Variants in CCDC60 observed in about 807,000 individuals in gnomAD.
CCDC60 encodes the protein coiled-coil domain containing 60.
CCDC60 carries 54 observed loss-of-function variants against 63.5 expected under a neutral mutation model. The observed-to-expected ratio is 0.85, with a 90% CI of 0.68 to 1.07. CCDC60 has a LOEUF of 1.07. Among genes scored for constraint, CCDC60 ranks in the 50% least tolerant of loss-of-function variants. CCDC60 has a pLI of 0.00. For synonymous variants in CCDC60, 206 were observed against 238.8 expected (o/e 0.86, Z 1.27); for missense variants, 651 against 684.3 (o/e 0.95, Z 0.54).
rs115848912 is a variant in CCDC60, at chr12:119,405,562, C to A, written c.91-23121C>A. Among the ~76,000 whole-genome samples the A allele has an allele frequency of 9.6e-3, 1,457 of 152,194 alleles. 17 individuals are homozygous for A. Among genetic ancestry groups the A allele is most frequent in the African/African-American group, 0.029 (1,211 of 41,526 alleles). On this transcript the variant is annotated intron_variant, in intron 1 of 13. Coordinates refer to ENST00000327554, the MANE Select transcript of CCDC60 (RefSeq NM_178499.5). Reference sequence around the variant, plus strand: ...AAAACATTCTCAGATTTAAAAAAAACCAAAAACAAATATCATCAAAAATCT... The same window carrying A: ...AAAACATTCTCAGATTTAAAAAAAAACAAAAACAAATATCATCAAAAATCT...
chr12:119,461,700 C>T (rs1391622152), intron 2 of CCDC60, among the ~76,000 whole-genome samples: 1 of 152,172 alleles, frequency 6.6e-6, no homozygotes, highest in Non-Finnish European at 1.5e-5. Flanking sequence ...CCCCATCGTT[C>T]CTCTTGTGAT....
At chr12:119,375,139 G>A (rs931557179) in intron 1 of CCDC60, among the ~76,000 whole-genome samples, 13 of 152,194 alleles carry the variant, frequency 8.5e-5, no homozygotes, top group Non-Finnish European at 1.6e-4. Flanking sequence ...ATTCAAAATA[G>A]AGTTGCTCTG....
chr12:119,520,342 C>G (rs1566059563), intron 9 of CCDC60, 150 bp downstream of exon 9: 5 of 642,640 alleles, frequency 7.8e-6, no homozygotes, highest in Non-Finnish European at 1.3e-5. Context: ...AAACAAGCCC[C>G]TTTACTGCAG....
At chr12:119,417,948 C>T (rs1400341323) in intron 1 of CCDC60, among the ~76,000 whole-genome samples, 1 of 152,184 alleles carries the variant, frequency 6.6e-6, no homozygotes, top group Admixed American at 6.5e-5. Context: ...AGCAAATTAA[C>T]TGCAGCAAAG....
intron 2 of CCDC60, among the ~76,000 whole-genome samples, chr12:119,453,023 C>T (rs1950662719): frequency 6.6e-6 from 1 of 152,142 alleles, no homozygotes; most frequent in South Asian, 2.1e-4. Flanking sequence ...GACGGGGTTT[C>T]ACCATGTTGG....
chr12:119,499,348 A>T (rs1951790886), intron 5 of CCDC60, among the ~76,000 whole-genome samples: 1 of 152,182 alleles, frequency 6.6e-6, no homozygotes, highest in African/African-American at 2.4e-5. Context: ...AAAAAAAAAT[A>T]CAAAATTACA....
chr12:119,352,555 A>G (rs181835201), intron 1 of CCDC60, among the ~76,000 whole-genome samples: 3 of 152,346 alleles, frequency 2.0e-5, no homozygotes, highest in South Asian at 4.1e-4. Context: ...AGTCTGGCCC[A>G]AAAGTCTCAA....
intron 12 of CCDC60, among the ~76,000 whole-genome samples, chr12:119,529,130 C>T (rs762092283): frequency 6.6e-4 from 101 of 152,064 alleles, no homozygotes; most frequent in Non-Finnish European, 8.1e-4. Flanking sequence ...AACGTAATCC[C>T]TAAAAAGTGC....
chr12:119,342,098 G>A (rs1374514326), intron 1 of CCDC60, among the ~76,000 whole-genome samples: 2 of 152,216 alleles, frequency 1.3e-5, no homozygotes, highest in African/African-American at 2.4e-5. Flanking sequence ...GTCTGGAGGT[G>A]GATAGCTGTT....
intron 1 of CCDC60, among the ~76,000 whole-genome samples, chr12:119,397,371 C>T (rs1956277248): frequency 6.6e-6 from 1 of 152,066 alleles, no homozygotes; most frequent in Middle Eastern, 3.2e-3. Context: ...GCTGATTGGT[C>T]CGTTTTACAG....
intron 1 of CCDC60, among the ~76,000 whole-genome samples, chr12:119,392,447 G>A (rs7312032): frequency 0.011 from 1,745 of 152,284 alleles, 35 homozygotes; most frequent in African/African-American, 0.04. Context: ...AATTAGTCCT[G>A]GCTGGTTTTC....
intron 11 of CCDC60, among the ~76,000 whole-genome samples, chr12:119,527,666 C>CTTTGTTTTTTTTTTTTTTTTTTTTTTT (rs1161185946): frequency 1.2e-5 from 1 of 84,972 alleles, no homozygotes; most frequent in Non-Finnish European, 2.1e-5. Flanking sequence ...TTCTTTCTTT[C>CTTTGTTTTTTTTTTTTTTTTTTTTTTT]TTTTTTTTTT....
intron 5 of CCDC60, among the ~76,000 whole-genome samples, chr12:119,498,328 C>T (rs117783843): frequency 1.3e-3 from 194 of 151,974 alleles, no homozygotes; most frequent in Middle Eastern, 6.8e-3. Flanking sequence ...TTCTGTTCAT[C>T]CTCTTTTTTT....
intron 7 of CCDC60, among the ~76,000 whole-genome samples, chr12:119,507,579 CACATATATAT>C (rs1566050511): frequency 9.7e-5 from 3 of 31,026 alleles, no homozygotes; most frequent in Admixed American, 4.2e-4. Context: ...TGTATATATA[CACATATATAT>C]ACATATATAT....
At chr12:119,443,803 T>C (rs1950489557) in intron 2 of CCDC60, among the ~76,000 whole-genome samples, 1 of 152,194 alleles carries the variant, frequency 6.6e-6, no homozygotes, top group African/African-American at 2.4e-5. Flanking sequence ...TACCACCTAC[T>C]AGCTTTTTGA....
At chr12:119,365,766 C>T (rs1163307628) in intron 1 of CCDC60, among the ~76,000 whole-genome samples, 1 of 152,170 alleles carries the variant, frequency 6.6e-6, no homozygotes, top group African/African-American at 2.4e-5. Flanking sequence ...TTTCCTTTTA[C>T]ATAGAAATAT....
At chr12:119,530,244 C>T (rs145721390) in intron 12 of CCDC60, among the ~76,000 whole-genome samples, 376 of 148,720 alleles carry the variant, frequency 2.5e-3, no homozygotes, top group African/African-American at 8.6e-3. Context: ...ACAATGGGCA[C>T]ATATATAGCA....
intron 1 of CCDC60, among the ~76,000 whole-genome samples, chr12:119,342,977 A>C (rs1955547609): frequency 6.6e-6 from 1 of 151,956 alleles, no homozygotes; most frequent in Admixed American, 6.5e-5. Context: ...CAGCTGTTAA[A>C]TTCAAAAGCT....
intron 1 of CCDC60, among the ~76,000 whole-genome samples, chr12:119,344,851 T>TCACA (rs1284956237): frequency 8.4e-5 from 9 of 107,646 alleles, no homozygotes; most frequent in Middle Eastern, 4.8e-3. Flanking sequence ...TCTCTCTCTC[T>TCACA]CTCTCACACA....
Sources: gnomAD v4.1 joint callset for allele counts (sites outside exome capture counted in the v4.1 genomes callset) on GRCh38, gnomAD v4.1.1 for gene constraint, MANE v1.5 for transcripts, NCBI Gene and HGNC (gene_info 2026-07-23, HGNC 2026-07-21) for gene names.